The following DLGAP2 variants were observed in gnomAD, a reference collection of about 807,000 sequenced individuals.
DLGAP2 encodes the protein disks large-associated protein 2.
Under a neutral mutation model 100.3 loss-of-function variants are expected in DLGAP2, and 26 were observed. The ratio of observed to expected loss-of-function variants is 0.26; its 90% CI spans 0.19 to 0.36. The LOEUF (loss-of-function observed/expected upper bound fraction) is 0.36. Ranked by LOEUF, DLGAP2 falls within the 10% of genes least tolerant of loss-of-function variation. The pLI is 1.00. For missense variants in DLGAP2, 1,858 were observed against 1,453.2 expected (o/e 1.28, Z -4.53); for synonymous variants, 886 against 630.1 (o/e 1.41, Z -6.08).
intron 2 of DLGAP2, among the ~76,000 whole-genome samples, chr8:1,232,464 T>G (rs1351973158): frequency 6.6e-6 from 1 of 152,242 alleles, no homozygotes; most frequent in Non-Finnish European, 1.5e-5. Flanking sequence ...CAGGCTGTGA[T>G]GAGGGGAGGA....
At chr8:1,617,218 G>C (rs1037237873) in intron 6 of DLGAP2, among the ~76,000 whole-genome samples, 3 of 152,176 alleles carry the variant, frequency 2.0e-5, no homozygotes, top group African/African-American at 7.2e-5. Context: ...GGTAGAATGA[G>C]TTCTCTTCCT....
chr8:749,149 C>G (rs1266765504), intron 1 of DLGAP2, among the ~76,000 whole-genome samples: 2 of 152,156 alleles, frequency 1.3e-5, no homozygotes, highest in Non-Finnish European at 2.9e-5. Context: ...CAGGTGCACA[C>G]CACCACACTT....
At chr8:821,045 G>A (rs532632267) in intron 1 of DLGAP2, among the ~76,000 whole-genome samples, 58 of 152,304 alleles carry the variant, frequency 3.8e-4, no homozygotes, top group South Asian at 3.5e-3. Flanking sequence ...CTGCTTACAG[G>A]AAACCAACGG....
intron 2 of DLGAP2, among the ~76,000 whole-genome samples, chr8:1,116,136 G>T (rs150372833): frequency 6.6e-6 from 1 of 152,356 alleles, no homozygotes; most frequent in African/African-American, 2.4e-5. Flanking sequence ...CCTTGATGCG[G>T]TACGCAATCC....
At chr8:988,984 G>A (rs1006235833) in intron 2 of DLGAP2, among the ~76,000 whole-genome samples, 11 of 152,074 alleles carry the variant, frequency 7.2e-5, no homozygotes, top group East Asian at 3.9e-4. Flanking sequence ...CCTCTCCGTC[G>A]CTGCCTGCAC....
chr8:1,420,357 G>A (rs139046547), intron 3 of DLGAP2, among the ~76,000 whole-genome samples: 1 of 152,260 alleles, frequency 6.6e-6, no homozygotes, highest in Non-Finnish European at 1.5e-5. Flanking sequence ...TCACAACAGT[G>A]TTCAGATAAA....
rs141907206 is a variant in DLGAP2, at chr8:1,249,445, T to C, written c.74-9406T>C. On this transcript the variant is annotated intron_variant, in intron 2 of 14. Coordinates refer to ENST00000637795, the MANE Select transcript of DLGAP2 (RefSeq NM_001346810.2). ...CCTAAATACAACTTTCTTCTGTTTC[T>C]CTGCTCTTATCTATTTCTCATGTTC... 1.4e-4 allele frequency among the ~76,000 whole-genome samples: 21 copies of C among 152,336 alleles called. No individual in the cohort carries two copies. The East Asian group carries it at 3.7e-3, about 27-fold the overall frequency.
At chr8:1,428,474 A>G (rs1299019159) in intron 3 of DLGAP2, among the ~76,000 whole-genome samples, 2 of 152,168 alleles carry the variant, frequency 1.3e-5, no homozygotes, top group Non-Finnish European at 2.9e-5. Context: ...AAGAGGGGAA[A>G]GCTACTTGGC....
chr8:810,083 C>T (rs994693175), intron 1 of DLGAP2, among the ~76,000 whole-genome samples: 15 of 152,298 alleles, frequency 9.8e-5, no homozygotes, highest in African/African-American at 3.4e-4. Context: ...GCTCTGTGTC[C>T]ATCCCTTTCT....
intron 1 of DLGAP2, among the ~76,000 whole-genome samples, chr8:897,270 C>A (rs900749968): frequency 6.6e-6 from 1 of 152,164 alleles, no homozygotes; most frequent in Non-Finnish European, 1.5e-5. Flanking sequence ...TTGAGGCTCC[C>A]TTCTTTCTCC....
At chr8:1,587,988 T>G (rs796175483) in intron 6 of DLGAP2, among the ~76,000 whole-genome samples, 1 of 152,222 alleles carries the variant, frequency 6.6e-6, no homozygotes, top group Admixed American at 6.5e-5. Flanking sequence ...ACACGTGCAT[T>G]CCTGCCCCAT....
intron 4 of DLGAP2, among the ~76,000 whole-genome samples, chr8:1,509,899 C>T (rs772963721): frequency 5.9e-5 from 9 of 152,122 alleles, no homozygotes; most frequent in Non-Finnish European, 1.2e-4. Flanking sequence ...TTTAAAGGTG[C>T]ATTCAGGAGG....
intron 4 of DLGAP2, among the ~76,000 whole-genome samples, chr8:1,507,699 A>G (rs1175729514): frequency 6.7e-6 from 1 of 148,638 alleles, no homozygotes; most frequent in Non-Finnish European, 1.5e-5. Flanking sequence ...CTGTCTAGAA[A>G]GAAGGTAGCA....
intron 3 of DLGAP2, among the ~76,000 whole-genome samples, chr8:1,479,342 T>C (rs1241993146): frequency 6.6e-6 from 1 of 152,224 alleles, no homozygotes; most frequent in Admixed American, 6.5e-5. Flanking sequence ...CAAGCTTTCA[T>C]CCCTCAGGCA....
chr8:1,446,873 T>G (rs1024576854), intron 3 of DLGAP2, among the ~76,000 whole-genome samples: 14 of 152,242 alleles, frequency 9.2e-5, no homozygotes, highest in African/African-American at 2.4e-4. Context: ...GGGAGTTCAC[T>G]CATGATTTGG....
At chr8:875,473 T>G (rs978279069) in intron 1 of DLGAP2, among the ~76,000 whole-genome samples, 1 of 152,216 alleles carries the variant, frequency 6.6e-6, no homozygotes, top group African/African-American at 2.4e-5. Flanking sequence ...GGTGATTTCA[T>G]AAGGGGCTTC....
intron 3 of DLGAP2, among the ~76,000 whole-genome samples, chr8:1,280,494 T>C (rs1420042507): frequency 1.3e-5 from 2 of 152,188 alleles, no homozygotes; most frequent in Non-Finnish European, 2.9e-5. Context: ...TAGGAGGATT[T>C]AGGAAAAGGT....
chr8:887,789 C>A (rs1797951515), intron 1 of DLGAP2, among the ~76,000 whole-genome samples: 2 of 152,142 alleles, frequency 1.3e-5, no homozygotes, highest in Admixed American at 1.3e-4. Flanking sequence ...GCCTTTCTGT[C>A]TGGCTGCCCT....
chr8:746,858 G>T (rs567926412), intron 1 of DLGAP2, among the ~76,000 whole-genome samples: 1 of 152,342 alleles, frequency 6.6e-6, no homozygotes, highest in African/African-American at 2.4e-5. Flanking sequence ...CCTGCTGGCT[G>T]CGGACGCTGG....
Sources: allele counts gnomAD v4.1 joint callset (sites outside exome capture counted in the v4.1 genomes callset), GRCh38; gene constraint gnomAD v4.1.1; transcripts MANE v1.5; gene names NCBI Gene and HGNC (gene_info 2026-07-23, HGNC 2026-07-21).